The following ADGRB3 variants were observed in gnomAD, a reference collection of about 807,000 sequenced individuals.
ADGRB3 encodes the protein brain-specific angiogenesis inhibitor 3.
Under a neutral mutation model 193.4 loss-of-function variants are expected in ADGRB3, and 37 were observed. The observed-to-expected ratio is 0.19, with a 90% CI of 0.15 to 0.25. The LOEUF (loss-of-function observed/expected upper bound fraction) is 0.25, where lower values mean the gene tolerates loss of function less well. Ranked by LOEUF, ADGRB3 falls within the 10% of genes least tolerant of loss-of-function variation. The pLI is 1.00. For synonymous variants in ADGRB3, 690 were observed against 644.2 expected (o/e 1.07, Z -1.08); for missense variants, 1,637 against 1,852.9 (o/e 0.88, Z 2.14).
intron 3 of ADGRB3, among the ~76,000 whole-genome samples, chr6:68,732,143 A>G (rs1032648442): frequency 6.6e-6 from 1 of 151,870 alleles, no homozygotes; most frequent in Non-Finnish European, 1.5e-5. Context: ...TGTTCAGTGT[A>G]ACTACTTAAA....
chr6:69,136,135 T>C (rs1200937070), intron 17 of ADGRB3, among the ~76,000 whole-genome samples: 1 of 152,060 alleles, frequency 6.6e-6, no homozygotes, highest in Admixed American at 6.5e-5. Flanking sequence ...GGTGTGGACA[T>C]ACATATGTAG....
At chr6:68,954,457 C>G (rs1267755742) in intron 6 of ADGRB3, among the ~76,000 whole-genome samples, 1 of 152,090 alleles carries the variant, frequency 6.6e-6, no homozygotes, top group East Asian at 1.9e-4. Flanking sequence ...AAACAGCCAT[C>G]TAAGAGTCAC....
rs563497218 is a variant in ADGRB3, at chr6:69,270,903, C to T, written c.2814+31677C>T. On this transcript the variant is annotated intron_variant, in intron 20 of 31. Coordinates refer to ENST00000370598, the MANE Select transcript of ADGRB3 (RefSeq NM_001704.3). ...ACCAGCAATATTTTAAAGGGAAAAA[C>T]TTATATAGAATAAGCATTTTTTTCA... is the stretch of plus-strand genomic sequence containing the variant. Among the ~76,000 whole-genome samples the T allele has an allele frequency of 7.9e-5, 12 of 152,160 alleles. No individual in the cohort carries two copies. In the East Asian group the frequency reaches 2.1e-3, roughly 27 times the overall value.
intron 3 of ADGRB3, among the ~76,000 whole-genome samples, chr6:68,886,401 T>A (rs1252847515): frequency 1.3e-5 from 2 of 152,098 alleles, no homozygotes; most frequent in Non-Finnish European, 2.9e-5. Context: ...ATGACCCCCA[T>A]TAATGCTGTA....
At chr6:69,126,000 T>A (rs1773839198) in intron 17 of ADGRB3, among the ~76,000 whole-genome samples, 1 of 152,190 alleles carries the variant, frequency 6.6e-6, no homozygotes, top group South Asian at 2.1e-4. Flanking sequence ...TGGGTCAAAG[T>A]CAAATCCATG....
intron 17 of ADGRB3, chr6:69,232,911 C>G (rs144304222): frequency 4.1e-6 from 2 of 490,656 alleles, no homozygotes; most frequent in South Asian, 5.5e-5. Flanking sequence ...TATGAAAAGC[C>G]TCTTTACACC....
In ADGRB3 at chr6:69,062,959, A is replaced by G. The variant is rs1454291633; in HGVS notation, c.2359A>G (p.Ile787Val). 1 of 1,611,716 alleles carries G rather than the reference A, an allele frequency of 6.2e-7. No homozygotes were observed. The highest frequency in any genetic ancestry group is 8.5e-7 in the Non-Finnish European group (1 of 1,178,438). ...LRNYTVINSKIIVVTIRPEPK... is the reference protein window; with the variant it reads ...LRNYTVINSKVIVVTIRPEPK... The stretch of plus-strand genomic sequence containing the variant: ...AAATTATACTGTCATTAATTCCAAA[A>G]TCATCGTGGTCACAATAAGGCCTGA... Residue 787 changes from isoleucine (I) to valine (V), a missense_variant, in exon 16 of 32, where the codon ATC becomes GTC. Physicochemically the swap from Ile to Val is conservative, Grantham distance 29. Around this residue, in one of 7 missense-constraint regions of ADGRB3, gnomAD observed 641 missense variants for 673.9 expected, o/e 0.95. Coordinates refer to ENST00000370598, the MANE Select transcript of ADGRB3 (RefSeq NM_001704.3).
In ADGRB3 at chr6:68,975,293, A is replaced by C. The variant is rs1768710889; in HGVS notation, c.1687A>C (p.Ser563Arg). ...TGGAGTGGCCTTCTGGGAACAGCCG[A>C]GCTTTGCAAGATGCATATCAAATGA... ...LHGVAFWEQPSFARCISNEYR... is the reference protein window; with the variant it reads ...LHGVAFWEQPRFARCISNEYR... The change falls in exon 10 of 32, where the codon AGC (serine) becomes CGC (arginine). Residue 563 changes from serine to arginine, a missense_variant. Physicochemically the swap from Ser to Arg is moderately radical, Grantham distance 110. Transcript: ENST00000370598. 6.2e-7 allele frequency: 1 copy of C among 1,613,958 alleles called. No individual in the cohort carries two copies. Among genetic ancestry groups the C allele is most frequent in the African/African-American group, 1.3e-5 (1 of 74,910 alleles).
chr6:68,655,642 A>G (rs1422270517), intron 3 of ADGRB3, among the ~76,000 whole-genome samples: 1 of 151,734 alleles, frequency 6.6e-6, no homozygotes, highest in Non-Finnish European at 1.5e-5. Context: ...GCACATGAGA[A>G]AAAATTTCTA....
chr6:69,054,729 T>A (rs1022887751), intron 15 of ADGRB3, among the ~76,000 whole-genome samples: 1 of 152,208 alleles, frequency 6.6e-6, no homozygotes, highest in African/African-American at 2.4e-5. Context: ...TTGGCATTTT[T>A]AAAATTCTAG....
intron 20 of ADGRB3, among the ~76,000 whole-genome samples, chr6:69,255,109 G>A (rs1561967548): frequency 6.6e-6 from 1 of 151,812 alleles, no homozygotes; most frequent in Non-Finnish European, 1.5e-5. Context: ...GTCTATCACT[G>A]TTGGACATTT....
At chr6:69,072,235 C>T (rs1180256791) in intron 16 of ADGRB3, among the ~76,000 whole-genome samples, 1 of 152,014 alleles carries the variant, frequency 6.6e-6, no homozygotes, top group Non-Finnish European at 1.5e-5. Flanking sequence ...TTGTATACAT[C>T]CCAGAATGTG....
chr6:68,931,172 A>C (rs1419866336), intron 4 of ADGRB3, among the ~76,000 whole-genome samples: 1 of 151,970 alleles, frequency 6.6e-6, no homozygotes, highest in African/African-American at 2.4e-5. Context: ...TTTGTTATAT[A>C]AGCTAAATAA....
chr6:69,153,127 C>T lies in ADGRB3; in HGVS notation c.2480+77089C>T, dbSNP rs554898567. 5.9e-5 allele frequency among the ~76,000 whole-genome samples: 9 copies of T among 152,020 alleles called. No homozygotes were observed. In the South Asian group the frequency reaches 1.7e-3, roughly 28 times the overall value. On this transcript the variant is annotated intron_variant, in intron 17 of 31. Coordinates refer to ENST00000370598, the MANE Select transcript of ADGRB3 (RefSeq NM_001704.3). ...TAAAATGTAGGAAACCTATGAAACC[C>T]TGCATGCAAAACAATTGGATTTTTA... is the stretch of plus-strand genomic sequence containing the variant.
At chr6:68,721,620 TA>T (rs1158514349) in intron 3 of ADGRB3, among the ~76,000 whole-genome samples, 3 of 82,396 alleles carry the variant, frequency 3.6e-5, no homozygotes, top group African/African-American at 1.6e-4. Flanking sequence ...GAACTTAAAG[TA>T]TAATAAATAT....
At chr6:68,863,840 T>A (rs1562061793) in intron 3 of ADGRB3, among the ~76,000 whole-genome samples, 1 of 152,148 alleles carries the variant, frequency 6.6e-6, no homozygotes, top group Non-Finnish European at 1.5e-5. Context: ...TACCCTTTTT[T>A]AAAAACACCT....
At chr6:68,848,184 C>A (rs1030367942) in intron 3 of ADGRB3, among the ~76,000 whole-genome samples, 1 of 151,798 alleles carries the variant, frequency 6.6e-6, no homozygotes, top group African/African-American at 2.4e-5. Context: ...ATTAAAAAGT[C>A]ACTTTTAAAA....
intron 20 of ADGRB3, among the ~76,000 whole-genome samples, chr6:69,242,738 A>T (rs1043262193): frequency 3.3e-5 from 5 of 151,996 alleles, no homozygotes; most frequent in Admixed American, 6.6e-5. Context: ...TGCAGTTGTA[A>T]TATTTAATTA....
chr6:68,921,890 G>A (rs143839510), intron 3 of ADGRB3, among the ~76,000 whole-genome samples: 25 of 152,084 alleles, frequency 1.6e-4, no homozygotes, highest in Middle Eastern at 3.4e-3. Context: ...CGTTTGTGTC[G>A]TAGTGACGTG....
Sources: gnomAD v4.1 joint callset for allele counts (sites outside exome capture counted in the v4.1 genomes callset) on GRCh38, gnomAD v4.1.1 for gene constraint, gnomAD v4.1.1 regional missense constraint, MANE v1.5 for transcripts, NCBI Gene and HGNC (gene_info 2026-07-23, HGNC 2026-07-21) for gene names.